JAG1: variants seen among roughly 807,000 people sequenced by gnomAD.
JAG1 encodes the protein jagged canonical Notch ligand 1, also known as protein jagged-1.
A neutral mutation model predicts 148.7 loss-of-function variants in JAG1; 23 were observed. The ratio of observed to expected loss-of-function variants is 0.15; its 90% CI spans 0.11 to 0.22. JAG1 has a LOEUF of 0.22. Among genes scored for constraint, JAG1 ranks in the 10% least tolerant of loss-of-function variants. The probability of loss-of-function intolerance (pLI) is 1.00; values close to 1 mark genes in which losing one functional copy is unlikely to be tolerated. For synonymous variants in JAG1, 572 were observed against 598.3 expected (o/e 0.96, Z 0.64); for missense variants, 1,054 against 1,611.2 (o/e 0.65, Z 5.92).
chr20:10,651,697 G>A lies in JAG1; in HGVS notation c.1007-3C>T, dbSNP rs1568797778. The A allele has an allele frequency of 1.9e-6, 3 of 1,600,040 alleles. No homozygotes were observed. Among genetic ancestry groups the A allele is most frequent in the African/African-American group, 2.7e-5 (2 of 74,638 alleles). The stretch of plus-strand genomic sequence containing the variant: ...ATCAGAGAGGCAGGCGTGCTCAGCT[G>A]CAAAAACCAGGATGGCAGTCAGAGA... On this transcript the variant is annotated splice_polypyrimidine_tract_variant and splice_region_variant and intron_variant, in intron 7 of 25. Transcript: ENST00000254958.
intron 5 of JAG1, among the ~76,000 whole-genome samples, chr20:10,654,848 A>T (rs2067368552): frequency 1.3e-5 from 2 of 152,188 alleles, no homozygotes. Flanking sequence ...CCTCCCCTGT[A>T]TAGCTGTATG....
Position 10,638,441 on chromosome 20 carries a change from T to C in JAG1, c.*1057A>G, listed in dbSNP as rs1377969676. ...TATTCAACCACTCACATTTTGGCTATGTTAAGTCATAGCTCAACTTGTTCC... is the reference window on the plus strand; with the variant it reads ...TATTCAACCACTCACATTTTGGCTACGTTAAGTCATAGCTCAACTTGTTCC... On this transcript the variant is annotated 3_prime_UTR_variant, in exon 26 of 26. Transcript: ENST00000254958. The C allele has an allele frequency of 6.5e-6, 1 of 152,692 alleles. No individual in the cohort carries two copies. The highest frequency in any genetic ancestry group is 1.5e-5 in the Non-Finnish European group (1 of 68,044). 9.5% of individuals were successfully genotyped at this position (152,692 alleles called of 1,614,324 possible). A position where few individuals can be genotyped will look rare whatever the true frequency, so the allele number is the denominator to read the frequency against.
rs912910702 is a variant in JAG1, at chr20:10,668,534, T to C, written c.387+4167A>G. On this transcript the variant is annotated intron_variant, in intron 2 of 25. Transcript: ENST00000254958. Reference sequence around the variant, plus strand: ...TGCATTCTTACATTGTCACTAACCTTGAAAGCCGGACATTGGGACCAACTT... The same window carrying C: ...TGCATTCTTACATTGTCACTAACCTCGAAAGCCGGACATTGGGACCAACTT... Among the ~76,000 whole-genome samples, 26 of 152,290 alleles carry C rather than the reference T, an allele frequency of 1.7e-4. 1 individual carries two copies. Among genetic ancestry groups the C allele is most frequent in the African/African-American group, 5.1e-4 (21 of 41,546 alleles).
intron 3 of JAG1, among the ~76,000 whole-genome samples, chr20:10,660,716 T>G (rs1453497536): frequency 6.6e-6 from 1 of 152,176 alleles, no homozygotes; most frequent in Non-Finnish European, 1.5e-5. Flanking sequence ...GTCGAGCATG[T>G]CTGGGTTCAA....
intron 5 of JAG1, 114 bp downstream of exon 5, chr20:10,656,284 T>TTA: frequency 1.1e-6 from 1 of 870,330 alleles, no homozygotes; most frequent in Non-Finnish European, 1.9e-6. Flanking sequence ...ATTTTTTTTT[T>TTA]AAAAAAGCTT....
intron 13 of JAG1, 60 bp from the exon 14 acceptor site, chr20:10,647,163 G>T: frequency 6.2e-7 from 1 of 1,602,088 alleles, no homozygotes; most frequent in Non-Finnish European, 8.5e-7. Context: ...GCATTCCTAA[G>T]CCAAGGGCCT....
rs56029607 is a variant in JAG1 at position 10,643,218 on chromosome 20, A to G, written c.2458+560T>C. 3.1e-3 allele frequency among the ~76,000 whole-genome samples: 477 copies of G among 152,282 alleles called. 1 individual carries two copies. Among genetic ancestry groups the G allele is most frequent in the African/African-American group, 0.011 (452 of 41,558 alleles). On this transcript the variant is annotated intron_variant, in intron 20 of 25. Coordinates refer to ENST00000254958, the MANE Select transcript of JAG1 (RefSeq NM_000214.3). ...TGGGTACAAGAATCAAACCATAACT[A>G]CTCTAGCACCTTTTTTGTTCTGTAA...
At chr20:10,643,327 T>C (rs1021895593) in intron 20 of JAG1, among the ~76,000 whole-genome samples, 1 of 152,212 alleles carries the variant, frequency 6.6e-6, no homozygotes, top group Non-Finnish European at 1.5e-5. Flanking sequence ...CCTGCCCCTA[T>C]TTTCCTGTTT....
rs772336307 is a variant in JAG1 at position 10,648,540 on chromosome 20, ACCACTCACCT to A, written c.1568_1569+8del. 6.2e-7 allele frequency: 1 copy of A among 1,612,806 alleles called. No individual in the cohort carries two copies. The highest frequency in any genetic ancestry group is 2.2e-5 in the East Asian group (1 of 44,880). On this transcript the variant is annotated splice_donor_variant and splice_donor_5th_base_variant and coding_sequence_variant and intron_variant, in exon 12 of 26. Transcript: ENST00000254958. LOFTEE classifies it high-confidence loss of function. ...AAACTTGGCCATCTGAGGTTTTGCC[ACCACTCACCT>A]GACAGAGGTTTCCAGAGAAACCAGT... is the stretch of plus-strand genomic sequence containing the variant.
chr20:10,661,224 C>T (rs2067414931), intron 3 of JAG1, among the ~76,000 whole-genome samples: 1 of 152,076 alleles, frequency 6.6e-6, no homozygotes, highest in African/African-American at 2.4e-5. Flanking sequence ...CCCGAGTCTG[C>T]CTGTGAGGGC....
At chr20:10,662,478 G>C (rs2067424204) in intron 3 of JAG1, 1 of 152,144 alleles carries the variant, frequency 6.6e-6, no homozygotes, top group Admixed American at 6.5e-5. Context: ...ACCTCAAGCT[G>C]TTCACTCTAC....
At chr20:10,650,861 T>C (rs964363761) in intron 8 of JAG1, 18 of 167,524 alleles carry the variant, frequency 1.1e-4, no homozygotes, top group Admixed American at 9.5e-4. Context: ...CTTTTGTGTC[T>C]TTATGACAAC....
Position 10,645,519 on chromosome 20 carries a change from C to T in JAG1, c.2000-50G>A. On this transcript the variant is annotated intron_variant, in intron 15 of 25. Coordinates refer to ENST00000254958, the MANE Select transcript of JAG1 (RefSeq NM_000214.3). This position sits in a 1 kb window ranked among gnomAD's most constrained non-coding sequence, Gnocchi z 6.1. ...GCTGAAGACGAGATCCAGGACCATT[C>T]ACGACAGGCGAGAGCCAAGCCTTTC... 6.8e-7 allele frequency: 1 copy of T among 1,465,306 alleles called. No individual in the cohort carries two copies. The highest frequency in any genetic ancestry group is 1.4e-5 in the African/African-American group (1 of 72,294). The allele number at this position is 1,465,306 out of a possible 1,614,324, so 90.8% of individuals were successfully genotyped here. A position where few individuals can be genotyped will look rare whatever the true frequency, so the allele number is the denominator to read the frequency against.
intron 2 of JAG1, among the ~76,000 whole-genome samples, chr20:10,667,211 G>C (rs572533890): frequency 6.6e-6 from 1 of 152,332 alleles, no homozygotes; most frequent in South Asian, 2.1e-4. Context: ...AAAACCCCAG[G>C]CTGCTGCGAC....
intron 21 of JAG1, 34 bp from the exon 22 acceptor site, chr20:10,641,926 T>TC: frequency 7.2e-7 from 1 of 1,391,288 alleles, no homozygotes; most frequent in Non-Finnish European, 1.0e-6. Context: ...AGTTTATTTT[T>TC]CTGTGAACCG....
At chr20:10,656,284 T>TA (rs1338043771) in intron 5 of JAG1, 114 bp downstream of exon 5, 37 of 870,350 alleles carry the variant, frequency 4.3e-5, no homozygotes, top group Admixed American at 7.9e-5. Flanking sequence ...ATTTTTTTTT[T>TA]AAAAAAGCTT....
At position 10,645,604 on chromosome 20, in the gene JAG1, A is replaced by T; in HGVS notation, c.2000-135T>A. Reference sequence around the variant, plus strand: ...AGCCACAGTCGTAGTACTTTAACACAATCAGGCTTTTCCAGGAATAAAGGA... The same window carrying T: ...AGCCACAGTCGTAGTACTTTAACACTATCAGGCTTTTCCAGGAATAAAGGA... On this transcript the variant is annotated intron_variant, in intron 15 of 25. Transcript: ENST00000254958. This position sits in a 1 kb window ranked among gnomAD's most constrained non-coding sequence, Gnocchi z 6.1. 1 of 769,216 alleles carries T rather than the reference A, an allele frequency of 1.3e-6. No homozygotes were observed. The highest frequency in any genetic ancestry group is 2.2e-6 in the Non-Finnish European group (1 of 445,966). The allele number at this position is 769,216 out of a possible 1,614,324, so 47.6% of individuals were successfully genotyped here. A position where few individuals can be genotyped will look rare whatever the true frequency, so the allele number is the denominator to read the frequency against.
intron 18 of JAG1, 134 bp from the exon 19 acceptor site, chr20:10,644,518 A>G (rs2122601773): frequency 1.3e-6 from 1 of 755,030 alleles, no homozygotes; most frequent in East Asian, 2.7e-5. Context: ...TACCTTTGCT[A>G]AATTGGAACC....
At position 10,652,244 on chromosome 20, in the gene JAG1, T is replaced by C; in HGVS notation, c.893A>G (p.Asn298Ser). Reference sequence around the variant, plus strand: ...ACACGGCTGATGAGTCCCACAGTAATTGAGATCTGCCAAAAAGATCCTGGA... The same window carrying C: ...ACACGGCTGATGAGTCCCACAGTAACTGAGATCTGCCAAAAAGATCCTGGA... ...WGGQLCDKDL[N>S]YCGTHQPCLN... The change falls in exon 7 of 26, where the codon AAT becomes AGT. Residue 298 changes from asparagine (N) to serine (S), a missense_variant. This residue lies in a region of JAG1 where 104 missense variants were observed against 235.2 expected (regional missense o/e 0.44). Coordinates refer to ENST00000254958, the MANE Select transcript of JAG1 (RefSeq NM_000214.3). The C allele has an allele frequency of 6.2e-7, 1 of 1,613,986 alleles. No homozygotes were observed. Among genetic ancestry groups the C allele is most frequent in the Non-Finnish European group, 8.5e-7 (1 of 1,179,960 alleles).
Sources: allele counts gnomAD v4.1 joint callset (sites outside exome capture counted in the v4.1 genomes callset), GRCh38; gene constraint gnomAD v4.1.1; regional missense constraint gnomAD v4.1.1; non-coding constraint Gnocchi (gnomAD v3.1); transcripts MANE v1.5; gene names NCBI Gene and HGNC (gene_info 2026-07-23, HGNC 2026-07-21).